The following SNX29 variants were observed in gnomAD, a reference collection of about 807,000 sequenced individuals.
SNX29 encodes the protein sorting nexin-29.
SNX29 carries 78 observed loss-of-function variants against 102.1 expected under a neutral mutation model. That is an observed-to-expected ratio of 0.76 (90% CI 0.64 to 0.92). SNX29 has a LOEUF of 0.92. Among genes scored for constraint, SNX29 ranks in the 40% least tolerant of loss-of-function variants. The pLI, the probability that SNX29 is intolerant of heterozygous loss-of-function variation, is 0.00. For missense variants in SNX29, 1,280 were observed against 1,061.7 expected (o/e 1.21, Z -2.86); for synonymous variants, 580 against 414.5 (o/e 1.40, Z -4.85).
intron 19 of SNX29, among the ~76,000 whole-genome samples, chr16:12,504,260 T>C (rs2089269093): frequency 6.6e-6 from 1 of 152,232 alleles, no homozygotes; most frequent in Non-Finnish European, 1.5e-5. Flanking sequence ...ATAATTCATG[T>C]ACCAGGTGAT....
chr16:12,441,217 A>G (rs1177758240), intron 18 of SNX29, among the ~76,000 whole-genome samples: 1 of 150,400 alleles, frequency 6.6e-6, no homozygotes, highest in African/African-American at 2.5e-5. Flanking sequence ...CCTCCCGAGT[A>G]GTTGGGACTA....
At chr16:12,549,732 T>C (rs2077846696) in intron 20 of SNX29, among the ~76,000 whole-genome samples, 1 of 152,234 alleles carries the variant, frequency 6.6e-6, no homozygotes, top group African/African-American at 2.4e-5. Context: ...CTACAAAGTG[T>C]GTTCCAGCAT....
intron 18 of SNX29, among the ~76,000 whole-genome samples, chr16:12,409,704 G>A (rs2084317259): frequency 6.6e-6 from 1 of 152,036 alleles, no homozygotes. Context: ...GGTATGTTAG[G>A]CCTTAAAAAA....
At chr16:12,434,843 G>A (rs1307876820) in intron 18 of SNX29, among the ~76,000 whole-genome samples, 1 of 152,094 alleles carries the variant, frequency 6.6e-6, no homozygotes, top group Non-Finnish European at 1.5e-5. Flanking sequence ...AGCATGGGAA[G>A]TCCCTCCATG....
chr16:12,285,779 A>G (rs1188531712), intron 15 of SNX29, among the ~76,000 whole-genome samples: 1 of 150,342 alleles, frequency 6.7e-6, no homozygotes, highest in Non-Finnish European at 1.5e-5. Flanking sequence ...ATAAGGACTC[A>G]GGATAAAAAA....
chr16:12,080,318 C>G (rs1054326196), intron 11 of SNX29, among the ~76,000 whole-genome samples: 1 of 152,142 alleles, frequency 6.6e-6, no homozygotes, highest in Non-Finnish European at 1.5e-5. Context: ...GAGCAGACAC[C>G]GTAAGGCTGC....
At chr16:12,066,321 G>T (rs1308959977) in intron 9 of SNX29, among the ~76,000 whole-genome samples, 1 of 152,198 alleles carries the variant, frequency 6.6e-6, no homozygotes, top group Non-Finnish European at 1.5e-5. Context: ...GAGCCAAGAG[G>T]AGGAGGTCAT....
chr16:12,007,369 G>A (rs537863272), intron 3 of SNX29, among the ~76,000 whole-genome samples: 8 of 152,180 alleles, frequency 5.3e-5, no homozygotes, highest in African/African-American at 1.2e-4. Flanking sequence ...GCCAGGCGTG[G>A]TGGTGCCCAC....
At chr16:12,109,092 C>T (rs1028308608) in intron 11 of SNX29, among the ~76,000 whole-genome samples, 2 of 124,028 alleles carry the variant, frequency 1.6e-5, no homozygotes, top group African/African-American at 6.4e-5. Flanking sequence ...CATGCCATTG[C>T]ACTCCAGCCT....
chr16:12,225,152 A>G (rs193021912), intron 14 of SNX29, among the ~76,000 whole-genome samples: 88 of 152,350 alleles, frequency 5.8e-4, no homozygotes, highest in Non-Finnish European at 1.0e-3. Context: ...TATCAGTGAT[A>G]TTAATATCAC....
chr16:12,088,165 CTGTT>C (rs1567195758), intron 11 of SNX29: 3 of 455,596 alleles, frequency 6.6e-6, no homozygotes, highest in Non-Finnish European at 8.8e-6. Context: ...CACAGTGTCA[CTGTT>C]TGGGCCAGGC....
chr16:12,085,323 C>T (rs2052112541), intron 11 of SNX29, among the ~76,000 whole-genome samples: 1 of 152,152 alleles, frequency 6.6e-6, no homozygotes, highest in African/African-American at 2.4e-5. Flanking sequence ...TATTCCTTCT[C>T]CACTCTTCTT....
At chr16:12,553,422 T>G (rs1172009557) in intron 20 of SNX29, among the ~76,000 whole-genome samples, 1 of 152,196 alleles carries the variant, frequency 6.6e-6, no homozygotes, top group Non-Finnish European at 1.5e-5. Context: ...AAACCAGGTC[T>G]GACACACTCC....
At chr16:12,366,031 G>A (rs942008024) in intron 16 of SNX29, among the ~76,000 whole-genome samples, 2 of 100,686 alleles carry the variant, frequency 2.0e-5, no homozygotes, top group Non-Finnish European at 3.7e-5. Context: ...GTCAGAGTGA[G>A]ACTCTTGTCT....
chr16:12,560,022 C>G (rs2078626571), intron 20 of SNX29, among the ~76,000 whole-genome samples: 1 of 152,102 alleles, frequency 6.6e-6, no homozygotes. Flanking sequence ...TTTTGGAAGA[C>G]TTAGTATGAC....
intron 20 of SNX29, among the ~76,000 whole-genome samples, chr16:12,536,201 C>T (rs369597772): frequency 9.2e-5 from 14 of 152,264 alleles, no homozygotes; most frequent in East Asian, 3.9e-4. Context: ...AAGGAGGTTA[C>T]GGCTTGCTGA....
chr16:12,421,687 A>G (rs903690162), intron 18 of SNX29, among the ~76,000 whole-genome samples: 8 of 152,196 alleles, frequency 5.3e-5, no homozygotes, highest in Non-Finnish European at 1.2e-4. Flanking sequence ...GTCATCAACC[A>G]TGATCACCAT....
chr16:12,468,347 G>C (rs1296838608), intron 18 of SNX29, among the ~76,000 whole-genome samples: 1 of 151,738 alleles, frequency 6.6e-6, no homozygotes, highest in Admixed American at 6.6e-5. Context: ...GCTAATTTTT[G>C]TATTATTAGT....
chr16:12,477,626 C>T (rs1438537225), intron 18 of SNX29, 93 bp from the exon 19 acceptor site: 1 of 1,448,794 alleles, frequency 6.9e-7, no homozygotes, highest in Non-Finnish European at 9.5e-7. Flanking sequence ...GTGACTCTTG[C>T]TGCAGTTGGT....
Sources: gnomAD v4.1 joint callset for allele counts (sites outside exome capture counted in the v4.1 genomes callset) on GRCh38, gnomAD v4.1.1 for gene constraint, MANE v1.5 for transcripts, NCBI Gene and HGNC (gene_info 2026-07-23, HGNC 2026-07-21) for gene names.